Variants in MYBPC1 observed in about 807,000 individuals in gnomAD.
The protein encoded by MYBPC1 is myosin-binding protein C, slow-type.
In MYBPC1, 52 loss-of-function variants were observed where a neutral mutation model predicts 147.1. That is an observed-to-expected ratio of 0.35 (90% CI 0.28 to 0.45). The LOEUF (loss-of-function observed/expected upper bound fraction) is 0.45. MYBPC1 is among the 20% of genes least tolerant of loss of function. The pLI is 1.00. For synonymous variants in MYBPC1, 477 were observed against 475.9 expected (o/e 1.00, Z -0.03); for missense variants, 1,228 against 1,440.3 (o/e 0.85, Z 2.39).
downstream of MYBPC1, among the ~76,000 whole-genome samples, chr12:101,688,294 C>A (rs1951378620): frequency 6.6e-6 from 1 of 152,056 alleles, no homozygotes; most frequent in African/African-American, 2.4e-5. Context: ...TGGCACACAA[C>A]TGTAGTCTCA....
intron 16 of MYBPC1, among the ~76,000 whole-genome samples, chr12:101,651,989 G>T (rs1894564896): frequency 6.6e-6 from 1 of 152,138 alleles, no homozygotes; most frequent in Non-Finnish European, 1.5e-5. Context: ...TCTAATTGAG[G>T]ACCTGATCAA....
chr12:101,682,185 TC>T (rs750969076), intron 29 of MYBPC1, among the ~76,000 whole-genome samples: 1 of 151,174 alleles, frequency 6.6e-6, no homozygotes, highest in East Asian at 1.9e-4. Flanking sequence ...TGTTTCAATA[TC>T]CCCCCAAAAA....
intron 20 of MYBPC1, among the ~76,000 whole-genome samples, chr12:101,661,768 G>C (rs1247691739): frequency 6.6e-6 from 1 of 151,298 alleles, no homozygotes; most frequent in African/African-American, 2.4e-5. Flanking sequence ...GCGCACCTGT[G>C]GTCCCAGCTA....
At position 101,667,867 on chromosome 12, in the gene MYBPC1, A is replaced by G. The variant is rs1196355289; in HGVS notation, c.2492A>G (p.Tyr831Cys). 2.5e-6 allele frequency: 4 copies of G among 1,614,166 alleles called. No individual in the cohort carries two copies. The highest frequency in any genetic ancestry group is 2.7e-5 in the African/African-American group (2 of 75,056). Residue 831 changes from tyrosine to cysteine, a missense_variant, in exon 23 of 32, where the codon TAT (tyrosine) becomes TGT (cysteine). Tyr to Cys is a radical substitution (Grantham distance 194). This residue lies in a region of MYBPC1 where 1,077 missense variants were observed against 1,314.2 expected (regional missense o/e 0.82). Coordinates refer to ENST00000361466, the MANE Select transcript of MYBPC1 (RefSeq NM_002465.4). ...NAAGASEPKY[Y>C]SQPILVKEII... ...GCTGGTGCCAGCGAGCCCAAGTACT[A>G]TTCTCAGCCCATTCTCGTGAAGGAA... is the stretch of plus-strand genomic sequence containing the variant.
At chr12:101,671,205 C>T (rs1210182455) in intron 24 of MYBPC1, among the ~76,000 whole-genome samples, 1 of 151,960 alleles carries the variant, frequency 6.6e-6, no homozygotes, top group Non-Finnish European at 1.5e-5. Context: ...TAATTTTCTT[C>T]AATTTTAATT....
At chr12:101,616,906 A>C (rs1886224371) in intron 2 of MYBPC1, among the ~76,000 whole-genome samples, 1 of 152,224 alleles carries the variant, frequency 6.6e-6, no homozygotes, top group African/African-American at 2.4e-5. Flanking sequence ...CTACTCCAGC[A>C]TGTTATATAA....
Position 101,602,460 on chromosome 12 carries a change from AC to A in MYBPC1, c.25+7367del, listed in dbSNP as rs1345814747. ...TCAAACTCCTGACCTCAAGTGATCCACCTGCCTCGGCCTCCCAAAGTGCTGG... is the reference window on the plus strand; with the variant it reads ...TCAAACTCCTGACCTCAAGTGATCCACTGCCTCGGCCTCCCAAAGTGCTGG... On this transcript the variant is annotated intron_variant, in intron 1 of 31. Transcript: ENST00000361466. Among the ~76,000 whole-genome samples the A allele has an allele frequency of 5.9e-5, 9 of 152,138 alleles. No homozygotes were observed. In the East Asian group the frequency reaches 1.7e-3, roughly 30 times the overall value.
At chr12:101,660,327 A>G (rs1358611392) in intron 19 of MYBPC1, 2 of 176,380 alleles carry the variant, frequency 1.1e-5, no homozygotes, top group Admixed American at 1.1e-4. Context: ...AGATATTGTG[A>G]CTCGCCATTT....
intron 1 of MYBPC1, among the ~76,000 whole-genome samples, chr12:101,602,264 G>C (rs1441882005): frequency 2.6e-5 from 4 of 152,164 alleles, no homozygotes; most frequent in African/African-American, 9.7e-5. Context: ...GCCCAGGTCA[G>C]AGTGCAGTGG....
intron 10 of MYBPC1, among the ~76,000 whole-genome samples, chr12:101,639,543 T>C (rs1378858683): frequency 3.9e-5 from 6 of 152,224 alleles, no homozygotes; most frequent in South Asian, 2.1e-4. Flanking sequence ...CAAGAGGTCA[T>C]TGGTGTTCTT....
At chr12:101,686,848 C>T (rs1283221220), downstream of MYBPC1, among the ~76,000 whole-genome samples, 2 of 152,102 alleles carry the variant, frequency 1.3e-5, no homozygotes, top group Non-Finnish European at 2.9e-5. Flanking sequence ...CGTTGCAGTA[C>T]ATTTGAGAAC....
chr12:101,643,827 A>G (rs2136200117), intron 11 of MYBPC1, among the ~76,000 whole-genome samples: 1 of 152,252 alleles, frequency 6.6e-6, no homozygotes, highest in African/African-American at 2.4e-5. Flanking sequence ...TGTTTTTAAA[A>G]TGCCACTGTT....
At chr12:101,649,556 C>A in intron 15 of MYBPC1, 130 bp downstream of exon 15, 1 of 1,089,382 alleles carries the variant, frequency 9.2e-7, no homozygotes, top group Non-Finnish European at 1.4e-6. Context: ...GGATTTCATT[C>A]CAGCTAAGTG....
intron 16 of MYBPC1, 75 bp downstream of exon 16, chr12:101,651,468 G>C: frequency 1.3e-6 from 2 of 1,577,544 alleles, no homozygotes; most frequent in South Asian, 1.1e-5. Flanking sequence ...TTACATATTT[G>C]GTGAGGATAT....
At chr12:101,664,860 T>C (rs1350080688) in intron 22 of MYBPC1, among the ~76,000 whole-genome samples, 5 of 152,286 alleles carry the variant, frequency 3.3e-5, no homozygotes, top group African/African-American at 9.6e-5. Flanking sequence ...ATGCAACAAG[T>C]AAATTCTTGA....
rs1898366213 is a variant in MYBPC1, at chr12:101,670,311, C to T, written c.2525-10C>T. 6.2e-7 allele frequency: 1 copy of T among 1,611,122 alleles called. No homozygotes were observed. Among genetic ancestry groups the T allele is most frequent in the Non-Finnish European group, 8.5e-7 (1 of 1,177,352 alleles). The stretch of plus-strand genomic sequence containing the variant: ...TGATTGCAAAATTGTGCTATTTTAC[C>T]CTCTCTCAGAACCTCCAAAGATTCG... On this transcript the variant is annotated splice_polypyrimidine_tract_variant and intron_variant, in intron 23 of 31. Transcript: ENST00000361466.
chr12:101,675,543 G>A (rs1480893453), intron 26 of MYBPC1, 112 bp downstream of exon 26: 9 of 1,485,732 alleles, frequency 6.1e-6, no homozygotes, highest in Non-Finnish European at 8.4e-6. Flanking sequence ...CTATGGAGAA[G>A]TGATGTGGCA....
chr12:101,652,676 A>G lies in MYBPC1; in HGVS notation c.1527-2A>G, dbSNP rs1156721612. On this transcript the variant is annotated splice_acceptor_variant, in intron 16 of 31. Coordinates refer to ENST00000361466, the MANE Select transcript of MYBPC1 (RefSeq NM_002465.4). LOFTEE classifies it high-confidence loss of function. ...AGAAATACATTTTCCTTGTTTCCTT[A>G]GGATCCACAAGTTAGTGATAGCCAA... 6.2e-7 allele frequency: 1 copy of G among 1,602,718 alleles called. No homozygotes were observed. Among genetic ancestry groups the G allele is most frequent in the Non-Finnish European group, 8.5e-7 (1 of 1,169,736 alleles).
chr12:101,611,356 A>G (rs1884219298), intron 1 of MYBPC1, among the ~76,000 whole-genome samples: 1 of 152,234 alleles, frequency 6.6e-6, no homozygotes, highest in Admixed American at 6.5e-5. Context: ...ACAAAATGGA[A>G]ATGGAGAATG....
Sources: allele counts gnomAD v4.1 joint callset (sites outside exome capture counted in the v4.1 genomes callset), GRCh38; gene constraint gnomAD v4.1.1; regional missense constraint gnomAD v4.1.1; transcripts MANE v1.5; gene names NCBI Gene and HGNC (gene_info 2026-07-23, HGNC 2026-07-21).